Variants in UTRN observed in about 807,000 individuals in gnomAD.
UTRN encodes the protein utrophin.
A neutral mutation model predicts 463.9 loss-of-function variants in UTRN; 283 were observed. The ratio of observed to expected loss-of-function variants is 0.61; its 90% CI spans 0.55 to 0.67. UTRN has a LOEUF of 0.67. Ranked by LOEUF, UTRN falls within the 30% of genes least tolerant of loss-of-function variation. UTRN has a pLI of 0.00. For missense variants in UTRN, 3,922 were observed against 4,084.3 expected (o/e 0.96, Z 1.08); for synonymous variants, 1,442 against 1,431.5 (o/e 1.01, Z -0.17).
chr6:144,836,399 C>G lies in UTRN; in HGVS notation c.9923C>G (p.Thr3308Arg). Reference protein sequence around the residue: ...PPESIISPHHTSEDSELIAEA... With the variant: ...PPESIISPHHRSEDSELIAEA... ...GAGTCGATTATATCTCCCCATCACA[C>G]GTCTGAGGATTCAGAACTTATAGCA... Residue 3308 changes from threonine (T) to arginine (R), a missense_variant, in exon 71 of 75, where the codon ACG becomes AGG. Physicochemically the swap from Thr to Arg is moderately conservative, Grantham distance 71. Around this residue, in one of 3 missense-constraint regions of UTRN, gnomAD observed 1,309 missense variants for 1,452.6 expected, o/e 0.90. Coordinates refer to ENST00000367545, the MANE Select transcript of UTRN (RefSeq NM_007124.3). The G allele has an allele frequency of 6.2e-7, 1 of 1,604,036 alleles. No individual in the cohort carries two copies. The highest frequency in any genetic ancestry group is 8.5e-7 in the Non-Finnish European group (1 of 1,174,058).
At chr6:144,479,369 G>A (rs539376257) in intron 25 of UTRN, among the ~76,000 whole-genome samples, 8 of 151,948 alleles carry the variant, frequency 5.3e-5, no homozygotes, top group African/African-American at 1.4e-4. Flanking sequence ...TCCCCCTGCC[G>A]TGGCCTCCCA....
intron 17 of UTRN, 39 bp downstream of exon 17, chr6:144,448,808 C>T (rs775196500): frequency 1.3e-6 from 2 of 1,596,796 alleles, no homozygotes; most frequent in South Asian, 1.1e-5. Context: ...TCCAATATTG[C>T]ACATACTATA....
chr6:144,401,291 G>T (rs1309625630), intron 2 of UTRN, among the ~76,000 whole-genome samples: 2 of 152,070 alleles, frequency 1.3e-5, no homozygotes, highest in Non-Finnish European at 2.9e-5. Context: ...TTTTCCAAAT[G>T]CCCTAAACAC....
At chr6:144,606,375 A>G (rs1224068870) in intron 51 of UTRN, among the ~76,000 whole-genome samples, 1 of 152,244 alleles carries the variant, frequency 6.6e-6, no homozygotes, top group Non-Finnish European at 1.5e-5. Context: ...CAGTAACAAC[A>G]TCTGTTGCTG....
At chr6:144,747,795 A>C (rs919260042) in intron 54 of UTRN, among the ~76,000 whole-genome samples, 2 of 152,236 alleles carry the variant, frequency 1.3e-5, no homozygotes, top group Non-Finnish European at 2.9e-5. Context: ...GGAACACAAT[A>C]CATTAATCTT....
At chr6:144,683,032 A>G (rs896764427) in intron 52 of UTRN, among the ~76,000 whole-genome samples, 5 of 152,154 alleles carry the variant, frequency 3.3e-5, no homozygotes, top group African/African-American at 1.2e-4. Flanking sequence ...TGGATTCTGA[A>G]CAAGTATGAA....
intron 30 of UTRN, 129 bp downstream of exon 30, chr6:144,488,963 G>A: frequency 1.1e-6 from 1 of 871,218 alleles, no homozygotes; most frequent in Non-Finnish European, 1.6e-6. Flanking sequence ...TTACTTACAG[G>A]GCAGCATTTG....
chr6:144,351,578 A>G (rs544654309), intron 2 of UTRN, among the ~76,000 whole-genome samples: 1 of 152,334 alleles, frequency 6.6e-6, no homozygotes, highest in South Asian at 2.1e-4. Flanking sequence ...TCATTTGTTC[A>G]GAAAGGTTTT....
intron 58 of UTRN, among the ~76,000 whole-genome samples, chr6:144,762,817 CA>C (rs1315260878): frequency 2.0e-5 from 3 of 152,192 alleles, no homozygotes; most frequent in African/African-American, 7.2e-5. Flanking sequence ...ACTTGAAACA[CA>C]GATGGTTCTC....
At chr6:144,333,558 A>G (rs1040628825) in intron 2 of UTRN, among the ~76,000 whole-genome samples, 1 of 152,240 alleles carries the variant, frequency 6.6e-6, no homozygotes, top group African/African-American at 2.4e-5. Flanking sequence ...ACATTGAAAG[A>G]AAGGAAAATC....
intron 47 of UTRN, among the ~76,000 whole-genome samples, chr6:144,550,070 G>C (rs1399774142): frequency 6.6e-6 from 1 of 152,194 alleles, no homozygotes; most frequent in Non-Finnish European, 1.5e-5. Flanking sequence ...CTAAGATGAT[G>C]CTGTTGCAAT....
intron 32 of UTRN, among the ~76,000 whole-genome samples, chr6:144,492,048 G>A (rs74519181): frequency 0.013 from 2,047 of 152,148 alleles, 17 homozygotes; most frequent in Non-Finnish European, 0.022. Context: ...TTAGGTTCAG[G>A]AAGTACATGT....
Position 144,751,854 on chromosome 6 carries a change from A to G in UTRN, c.8257A>G (p.Asn2753Asp), listed in dbSNP as rs1268719655. Residue 2753 changes from asparagine (N) to aspartate (D), a missense_variant, in exon 56 of 75, where the codon AAT becomes GAT. Asn to Asp is a conservative substitution (Grantham distance 23, BLOSUM62 1). Around this residue, in one of 3 missense-constraint regions of UTRN, gnomAD observed 1,309 missense variants for 1,452.6 expected, o/e 0.90. Coordinates refer to ENST00000367545, the MANE Select transcript of UTRN (RefSeq NM_007124.3). ...APINFKVKTV[N>D]DLSSQLSPLD... ...AATCAACTTTAAAGTTAAAACGGTGAATGATTTATCCAGTCAGCTGTCTCC... is the reference window on the plus strand; with the variant it reads ...AATCAACTTTAAAGTTAAAACGGTGGATGATTTATCCAGTCAGCTGTCTCC... 1.2e-6 allele frequency: 2 copies of G among 1,611,796 alleles called. No individual in the cohort carries two copies. The highest frequency in any genetic ancestry group is 1.7e-6 in the Non-Finnish European group (2 of 1,179,052).
chr6:144,456,726 AT>A (rs1391238404), intron 19 of UTRN, among the ~76,000 whole-genome samples: 2 of 151,176 alleles, frequency 1.3e-5, no homozygotes, highest in Non-Finnish European at 2.9e-5. Context: ...TTTGACTTTC[AT>A]AGCTGATATA....
At chr6:144,305,539 T>A (rs1364551222) in intron 2 of UTRN, among the ~76,000 whole-genome samples, 1 of 152,158 alleles carries the variant, frequency 6.6e-6, no homozygotes, top group Non-Finnish European at 1.5e-5. Flanking sequence ...GAAGTAGGAT[T>A]TGAGACAGAG....
At chr6:144,539,161 T>TA in intron 44 of UTRN, 133 bp from the exon 45 acceptor site, 1 of 1,044,846 alleles carries the variant, frequency 9.6e-7, no homozygotes, top group Non-Finnish European at 1.3e-6. Flanking sequence ...TTAAGCTTCT[T>TA]ATAAGTTTAT....
chr6:144,323,394 G>A (rs747382777), intron 2 of UTRN, among the ~76,000 whole-genome samples: 1 of 152,092 alleles, frequency 6.6e-6, no homozygotes, highest in Non-Finnish European at 1.5e-5. Flanking sequence ...TTGAATGAGA[G>A]CCAGAAGAGC....
intron 65 of UTRN, among the ~76,000 whole-genome samples, chr6:144,813,085 T>C (rs1176950608): frequency 6.6e-6 from 1 of 152,186 alleles, no homozygotes; most frequent in African/African-American, 2.4e-5. Flanking sequence ...TTTTATGTGC[T>C]TGTTGAAAAT....
intron 52 of UTRN, among the ~76,000 whole-genome samples, chr6:144,693,706 T>G (rs756514262): frequency 5.9e-5 from 9 of 152,180 alleles, no homozygotes; most frequent in Non-Finnish European, 1.2e-4. Context: ...GTTGTTGATG[T>G]GTAGGAATGC....
Sources: gnomAD v4.1 joint callset for allele counts (sites outside exome capture counted in the v4.1 genomes callset) on GRCh38, gnomAD v4.1.1 for gene constraint, gnomAD v4.1.1 regional missense constraint, MANE v1.5 for transcripts, NCBI Gene and HGNC (gene_info 2026-07-23, HGNC 2026-07-21) for gene names.